The following ACAT1 variants were observed in gnomAD, a reference collection of about 807,000 sequenced individuals.
ACAT1 encodes acetyl-CoA acetyltransferase 1, also known as acetyl-CoA acetyltransferase, mitochondrial.
Under a neutral mutation model 47.3 loss-of-function variants are expected in ACAT1, and 28 were observed. The ratio of observed to expected loss-of-function variants is 0.59; its 90% CI spans 0.44 to 0.81. ACAT1 has a LOEUF of 0.81. Ranked by LOEUF, ACAT1 falls within the 30% of genes least tolerant of loss-of-function variation. ACAT1 has a pLI of 0.00. For synonymous variants in ACAT1, 181 were observed against 173.6 expected, an observed-to-expected ratio of 1.04 and a Z score of -0.34; for missense variants, 469 against 524.3, an observed-to-expected ratio of 0.89 and a Z score of 1.03.
chr11:108,126,413 T>G (rs1194687276), intron 1 of ACAT1, among the ~76,000 whole-genome samples: 1 of 152,188 alleles, frequency 6.6e-6, no homozygotes, highest in African/African-American at 2.4e-5. Context: ...GATGTAAATT[T>G]GGAGAGAAAA....
intron 10 of ACAT1, 53 bp from the exon 11 acceptor site, chr11:108,146,149 T>C: frequency 7.1e-7 from 1 of 1,406,948 alleles, no homozygotes; most frequent in East Asian, 2.3e-5. Context: ...ATGATGACAG[T>C]AAGTTGTGAT....
intron 10 of ACAT1, among the ~76,000 whole-genome samples, chr11:108,145,412 G>A (rs768610891): frequency 6.6e-5 from 10 of 151,636 alleles, no homozygotes; most frequent in Non-Finnish European, 1.0e-4. Flanking sequence ...GTGCAGTGGC[G>A]CTCGCCTGTA....
At chr11:108,125,644 T>C (rs1310181075) in intron 1 of ACAT1, among the ~76,000 whole-genome samples, 3 of 152,164 alleles carry the variant, frequency 2.0e-5, no homozygotes, top group East Asian at 3.9e-4. Flanking sequence ...ACATGAAGAA[T>C]AGGCTGGGTG....
Position 108,121,841 on chromosome 11 carries a change from T to C in ACAT1, c.72+163T>C, listed in dbSNP as rs888365839. 13 of 700,116 alleles carry C rather than the reference T, an allele frequency of 1.9e-5. No homozygotes were observed. In the African/African-American group the frequency reaches 2.3e-4, roughly 13 times the overall value. The allele number at this position is 700,116 out of a possible 1,614,324, so 43.4% of individuals were successfully genotyped here. A position where few individuals can be genotyped will look rare whatever the true frequency, so the allele number is the denominator to read the frequency against. Reference sequence around the variant, plus strand: ...TCTGGTCCAAAAACCGCCTAAGTGCTCCGATAACACCCAGGGACTCGCCTA... The same window carrying C: ...TCTGGTCCAAAAACCGCCTAAGTGCCCCGATAACACCCAGGGACTCGCCTA... On this transcript the variant is annotated intron_variant, in intron 1 of 11. Transcript: ENST00000265838.
intron 6 of ACAT1, 74 bp from the exon 7 acceptor site, chr11:108,139,991 T>C: frequency 6.6e-7 from 1 of 1,513,914 alleles, no homozygotes; most frequent in Non-Finnish European, 9.0e-7. Context: ...TTAAACACTA[T>C]AAGTTAGGCA....
In ACAT1 at chr11:108,140,212, A is replaced by C; in HGVS notation, c.727A>C (p.Lys243Gln). Reference protein sequence around the residue: ...NEVIPVTVTVKGQPDVVVKED... With the variant: ...NEVIPVTVTVQGQPDVVVKED... ...AGTTATTCCTGTCACAGTTACAGTA[A>C]AAGGTAGAGATAATGTTCCAAAAAG... The change falls in exon 7 of 12, where the codon AAA becomes CAA. Residue 243 changes from lysine to glutamine, a missense_variant. Transcript: ENST00000265838. 1.2e-6 allele frequency: 2 copies of C among 1,614,116 alleles called. No individual in the cohort carries two copies. The highest frequency in any genetic ancestry group is 1.1e-5 in the South Asian group (1 of 91,082).
chr11:108,140,066 G>T lies in ACAT1; in HGVS notation c.581G>T (p.Gly194Val). ...LTDVYNKIHM[G>V]SCAENTAKKL... ...TAAAATATTTCAACTTTTTATCAGG[G>T]CAGCTGTGCTGAGAATACAGCAAAG... Residue 194 changes from glycine (G) to valine (V), a missense_variant and splice_region_variant, in exon 7 of 12, where the codon GGC (glycine) becomes GTC (valine). Coordinates refer to ENST00000265838, the MANE Select transcript of ACAT1 (RefSeq NM_000019.4). 1.2e-6 allele frequency: 2 copies of T among 1,613,686 alleles called. No individual in the cohort carries two copies. The highest frequency in any genetic ancestry group is 1.7e-6 in the Non-Finnish European group (2 of 1,179,748).
chr11:108,135,346 A>G lies in ACAT1; in HGVS notation c.435+104A>G. Reference sequence around the variant, plus strand: ...TATTTTAGAAATGAGATTCTTTCTCATAAGTTAGTATGTTTTCTCACATGC... The same window carrying G: ...TATTTTAGAAATGAGATTCTTTCTCGTAAGTTAGTATGTTTTCTCACATGC... On this transcript the variant is annotated intron_variant, in intron 5 of 11. Transcript: ENST00000265838. 5.9e-6 allele frequency: 5 copies of G among 849,238 alleles called. No homozygotes were observed. In the East Asian group the frequency reaches 8.0e-5, roughly 14 times the overall value. The allele number at this position is 849,238 out of a possible 1,614,324, so 52.6% of individuals were successfully genotyped here.
chr11:108,142,394 T>C (rs1223499634), intron 8 of ACAT1, 43 bp from the exon 9 acceptor site: 2 of 1,438,830 alleles, frequency 1.4e-6, no homozygotes, highest in Admixed American at 1.7e-5. Flanking sequence ...AATACATTTA[T>C]TGTGAAGGAA....
intron 4 of ACAT1, among the ~76,000 whole-genome samples, chr11:108,134,764 C>T (rs1292590600): frequency 2.7e-5 from 4 of 150,104 alleles, no homozygotes; most frequent in African/African-American, 7.3e-5. Context: ...GCTAACACAG[C>T]GAAACCCTGT....
rs755641298 is a variant in ACAT1 at position 108,121,713 on chromosome 11, G to A, written c.72+35G>A. 8 of 1,542,758 alleles carry A rather than the reference G, an allele frequency of 5.2e-6. No homozygotes were observed. The South Asian group carries it at 7.2e-5, about 14-fold the overall frequency. On this transcript the variant is annotated intron_variant, in intron 1 of 11. Coordinates refer to ENST00000265838, the MANE Select transcript of ACAT1 (RefSeq NM_000019.4). ...GTTCGTCCCCACAGCACTCAGACCC[G>A]GGATGCGAGGAGTCCCCGCCTCGGA... is the stretch of plus-strand genomic sequence containing the variant.
At chr11:108,121,459 T>A (rs1469771449), upstream of ACAT1, 1 of 911,104 alleles carries the variant, frequency 1.1e-6, no homozygotes, top group Non-Finnish European at 1.7e-6. Context: ...CGCCCCGCCC[T>A]TGGCTGCCGG....
upstream of ACAT1, among the ~76,000 whole-genome samples, chr11:108,117,979 A>G (rs1864984340): frequency 6.6e-6 from 1 of 152,232 alleles, no homozygotes; most frequent in African/African-American, 2.4e-5. Flanking sequence ...GGTATTGACT[A>G]GATCTCCTTG....
intron 10 of ACAT1, among the ~76,000 whole-genome samples, chr11:108,144,715 A>G (rs1213803721): frequency 1.3e-5 from 2 of 152,166 alleles, no homozygotes; most frequent in Non-Finnish European, 2.9e-5. Flanking sequence ...TGAAAAAAAA[A>G]ACTGCAGAAT....
intron 7 of ACAT1, 101 bp from the exon 8 acceptor site, chr11:108,141,504 G>T (rs2077585034): frequency 3.8e-6 from 3 of 796,682 alleles, no homozygotes; most frequent in East Asian, 5.3e-5. Context: ...GTGAAGCAGG[G>T]ATACAAAGGG....
At chr11:108,135,015 A>G (rs1338622732) in intron 4 of ACAT1, 127 bp from the exon 5 acceptor site, 1 of 659,526 alleles carries the variant, frequency 1.5e-6, no homozygotes, top group African/African-American at 1.8e-5. Context: ...ATGAAATATT[A>G]AATGCATGAT....
chr11:108,121,508 C>T (rs1019021970), upstream of ACAT1: 3 of 1,322,018 alleles, frequency 2.3e-6, no homozygotes, highest in South Asian at 1.3e-5. Context: ...TTGGAGGAAG[C>T]GGGATGGGCG....
At chr11:108,133,773 G>A (rs780318835) in intron 2 of ACAT1, 47 bp from the exon 3 acceptor site, 15 of 1,430,632 alleles carry the variant, frequency 1.0e-5, no homozygotes, top group Admixed American at 1.7e-5. Context: ...AATGAAATAC[G>A]ATTTGGGTAA....
At chr11:108,136,610 T>G (rs1214114338) in intron 5 of ACAT1, 1 of 152,352 alleles carries the variant, frequency 6.6e-6, no homozygotes, top group African/African-American at 2.4e-5. Context: ...TTTATTCATT[T>G]GTGGATATAT....
Sources: allele counts gnomAD v4.1 joint callset (sites outside exome capture counted in the v4.1 genomes callset), GRCh38; gene constraint gnomAD v4.1.1; transcripts MANE v1.5; gene names NCBI Gene and HGNC (gene_info 2026-07-23, HGNC 2026-07-21).